Variants in PHC2 observed in about 807,000 individuals in gnomAD.
PHC2 encodes the protein polyhomeotic homolog 2.
In PHC2, 29 loss-of-function variants were observed where a neutral mutation model predicts 87.4. The observed-to-expected ratio is 0.33, with a 90% CI of 0.25 to 0.45. The LOEUF is 0.45. Among genes scored for constraint, PHC2 ranks in the 20% least tolerant of loss-of-function variants. The pLI, the probability that PHC2 is intolerant of heterozygous loss-of-function variation, is 1.00. For synonymous variants in PHC2, 438 were observed against 461.7 expected (o/e 0.95, Z 0.66); for missense variants, 857 against 1,136.7 (o/e 0.75, Z 3.54).
chr1:33,403,415 G>A (rs928511802), intron 1 of PHC2, among the ~76,000 whole-genome samples: 13 of 152,144 alleles, frequency 8.5e-5, no homozygotes, highest in Middle Eastern at 3.2e-3. Flanking sequence ...GTGAGCCACT[G>A]CACCTGGCGG....
rs191149460 is a variant in PHC2 at position 33,350,599 on chromosome 1, G to C, written c.1558+3802C>G. The stretch of plus-strand genomic sequence containing the variant: ...CCCTCAGGAGCGCGAGGCGCAGGAA[G>C]GTGCTGGACACACGCCAGGCACTTC... On this transcript the variant is annotated intron_variant, in intron 9 of 14. Transcript: ENST00000683057. 1.7e-3 allele frequency among the ~76,000 whole-genome samples: 253 copies of C among 152,384 alleles called. 8 individuals carry two copies. In the East Asian group the frequency reaches 0.044, roughly 26 times the overall value.
At chr1:33,370,667 C>T (rs1018705440) in intron 4 of PHC2, 82 bp from the exon 5 acceptor site, 34 of 1,355,256 alleles carry the variant, frequency 2.5e-5, no homozygotes, top group South Asian at 5.5e-5. Flanking sequence ...TTTCTCCCCC[C>T]TCTTTTGCTC....
intron 1 of PHC2, among the ~76,000 whole-genome samples, chr1:33,410,626 G>T (rs991416887): frequency 2.0e-5 from 3 of 152,152 alleles, no homozygotes; most frequent in Non-Finnish European, 4.4e-5. Flanking sequence ...CAAAGGGTTT[G>T]TTGAGGCAAT....
intron 1 of PHC2, among the ~76,000 whole-genome samples, chr1:33,380,909 A>C (rs1648461350): frequency 6.6e-6 from 1 of 152,114 alleles, no homozygotes; most frequent in Admixed American, 6.5e-5. Context: ...CATTATGACC[A>C]AGGTGCCCAG....
Position 33,391,641 on chromosome 1 carries a change from T to G in PHC2, c.-54-16048A>C, listed in dbSNP as rs114455610. Among the ~76,000 whole-genome samples the G allele has an allele frequency of 2.8e-3, 404 of 143,514 alleles. 2 individuals carry two copies. Among genetic ancestry groups the G allele is most frequent in the African/African-American group, 0.011 (390 of 34,230 alleles). 94.2% of individuals were successfully genotyped at this position (143,514 alleles called of 152,430 possible). Reference sequence around the variant, plus strand: ...CCCTCTGCATCATGCCTAATACTATTCCCTTTGATAGGAAAAAAAAAAAAA... The same window carrying G: ...CCCTCTGCATCATGCCTAATACTATGCCCTTTGATAGGAAAAAAAAAAAAA... On this transcript the variant is annotated intron_variant, in intron 1 of 14. Coordinates refer to ENST00000683057, the MANE Select transcript of PHC2 (RefSeq NM_001385109.1).
chr1:33,379,502 AC>A (rs1180983189), intron 1 of PHC2, among the ~76,000 whole-genome samples: 1 of 60,652 alleles, frequency 1.6e-5, no homozygotes, highest in Admixed American at 1.8e-4. Context: ...TCCCACTACC[AC>A]CCCCAACCAC....
At chr1:33,385,302 A>G (rs1648684699) in intron 1 of PHC2, among the ~76,000 whole-genome samples, 1 of 152,248 alleles carries the variant, frequency 6.6e-6, no homozygotes, top group Non-Finnish European at 1.5e-5. Flanking sequence ...AACAACATAA[A>G]TAGGAGAAAG....
rs548200068 is a variant in PHC2, at chr1:33,344,497, TAAC to T, written c.1558+9901_1558+9903del. On this transcript the variant is annotated intron_variant, in intron 9 of 14. Coordinates refer to ENST00000683057, the MANE Select transcript of PHC2 (RefSeq NM_001385109.1). ...GGAAACATTACTCCTTTCCTCCTTA[TAAC>T]CATTGTCTAAGCTTCCAGTCAACCC... 1.6e-3 allele frequency among the ~76,000 whole-genome samples: 243 copies of T among 152,374 alleles called. 2 individuals carry two copies. The highest frequency in any genetic ancestry group is 2.8e-3 in the Non-Finnish European group (189 of 68,036).
chr1:33,377,681 T>C (rs979364254), intron 1 of PHC2, among the ~76,000 whole-genome samples: 1 of 151,878 alleles, frequency 6.6e-6, no homozygotes, highest in South Asian at 2.1e-4. Flanking sequence ...TTGTAGAGTA[T>C]ACCCATTTAA....
intron 9 of PHC2, among the ~76,000 whole-genome samples, chr1:33,342,726 G>C (rs777481518): frequency 6.6e-6 from 1 of 152,206 alleles, no homozygotes; most frequent in Non-Finnish European, 1.5e-5. Flanking sequence ...TCAGGGAGGA[G>C]TTTTCAAAGA....
In PHC2 at chr1:33,349,845, TGC is replaced by T. The variant is rs570581954; in HGVS notation, c.1558+4554_1558+4555del. 4,384 of 906,844 alleles carry T rather than the reference TGC, an allele frequency of 4.8e-3. No homozygotes were observed. The highest frequency in any genetic ancestry group is 5.2e-3 in the Non-Finnish European group (3,983 of 763,186). The allele number at this position is 906,844 out of a possible 1,614,324, so 56.2% of individuals were successfully genotyped here. Reference sequence around the variant, plus strand: ...CGGGAGCGCGGGCGGCGGCCGGGGTTGCGCGCGCGCGCGCGGCGGGCGCTCGA... The same window carrying T: ...CGGGAGCGCGGGCGGCGGCCGGGGTTGCGCGCGCGCGCGGCGGGCGCTCGA... On this transcript the variant is annotated intron_variant, in intron 9 of 14. Transcript: ENST00000683057. The surrounding 1 kb of genome is among the most constrained non-coding windows in gnomAD (Gnocchi z 4.2).
In PHC2 at chr1:33,385,444, G is replaced by C. The variant is rs148006973; in HGVS notation, c.-54-9851C>G. On this transcript the variant is annotated intron_variant, in intron 1 of 14. Coordinates refer to ENST00000683057, the MANE Select transcript of PHC2 (RefSeq NM_001385109.1). ...GGTTTACATACAGGAATGCAACCCT[G>C]GCCATGTTACGTAACCTTTCTGCGC... is the stretch of plus-strand genomic sequence containing the variant. Among the ~76,000 whole-genome samples the C allele has an allele frequency of 9.9e-3, 1,502 of 152,278 alleles. 61 individuals carry two copies. The highest frequency in any genetic ancestry group is 0.065 in the Admixed American group (997 of 15,300).
Position 33,328,913 on chromosome 1 carries a change from C to T in PHC2, c.2382G>A (p.Lys794=), listed in dbSNP as rs766005155. The change falls in exon 14 of 15, where the codon AAG becomes AAA. Residue 794 remains lysine, a synonymous_variant. Coordinates refer to ENST00000683057, the MANE Select transcript of PHC2 (RefSeq NM_001385109.1). ...ATTCGTAGACGTCTTCTACATTCCACTTGGTGGGCTCACTTGGCAGGAAGT... is the reference window on the plus strand; with the variant it reads ...ATTCGTAGACGTCTTCTACATTCCATTTGGTGGGCTCACTTGGCAGGAAGT... The part of the protein sequence containing the change: ...GHHFLPSEPT[K]WNVEDVYEFI... 2 of 1,613,788 alleles carry T rather than the reference C, an allele frequency of 1.2e-6. No individual in the cohort carries two copies. The highest frequency in any genetic ancestry group is 2.2e-5 in the East Asian group (1 of 44,878).
intron 1 of PHC2, among the ~76,000 whole-genome samples, chr1:33,399,236 C>A (rs957123554): frequency 3.3e-5 from 5 of 151,998 alleles, no homozygotes; most frequent in Admixed American, 3.3e-4. Context: ...AGGGACCCTA[C>A]AAGGAATAAA....
At chr1:33,422,676 C>G (rs1022382302) in intron 1 of PHC2, among the ~76,000 whole-genome samples, 2 of 152,184 alleles carry the variant, frequency 1.3e-5, no homozygotes, top group African/African-American at 4.8e-5. Context: ...TTAGTGTCAC[C>G]ATCTTATGTG....
rs7514086 is a variant in PHC2 at position 33,400,986 on chromosome 1, T to G, written c.-54-25393A>C. Among the ~76,000 whole-genome samples, 479 of 152,198 alleles carry G rather than the reference T, an allele frequency of 3.1e-3. 1 individual carries two copies. The highest frequency in any genetic ancestry group is 0.011 in the African/African-American group (452 of 41,536). On this transcript the variant is annotated intron_variant, in intron 1 of 14. Transcript: ENST00000683057. ...AAGCATTAAAGGAATTGTCTGAAGGTTAACAGACTCCAGTACAATTATAAA... is the reference window on the plus strand; with the variant it reads ...AAGCATTAAAGGAATTGTCTGAAGGGTAACAGACTCCAGTACAATTATAAA...
In PHC2 at chr1:33,364,709, A is replaced by T. The variant is rs1186813581; in HGVS notation, c.976+2407T>A. 6.6e-6 allele frequency among the ~76,000 whole-genome samples: 1 copy of T among 152,098 alleles called. No homozygotes were observed. Among genetic ancestry groups the T allele is most frequent in the Non-Finnish European group, 1.5e-5 (1 of 68,020 alleles). On this transcript the variant is annotated intron_variant, in intron 7 of 14. Transcript: ENST00000683057. The surrounding 1 kb of genome is among the most constrained non-coding windows in gnomAD (Gnocchi z 4.1). ...TTACAGAGAGGAAGGGGTGGGAGAG[A>T]GGAAGAATGAACAGGATGGTGGGAG...
intron 1 of PHC2, among the ~76,000 whole-genome samples, chr1:33,388,400 C>A (rs1363490956): frequency 6.6e-6 from 1 of 150,706 alleles, no homozygotes; most frequent in Non-Finnish European, 1.5e-5. Flanking sequence ...CCTGGCTCAC[C>A]GCAACCTCCG....
At chr1:33,363,679 C>T (rs1026463866) in intron 7 of PHC2, 2 of 905,370 alleles carry the variant, frequency 2.2e-6, no homozygotes, top group South Asian at 5.1e-5. Context: ...TTTCAACAAC[C>T]CGACAGTTCC....
Sources: allele counts gnomAD v4.1 joint callset (sites outside exome capture counted in the v4.1 genomes callset), GRCh38; gene constraint gnomAD v4.1.1; non-coding constraint Gnocchi (gnomAD v3.1); transcripts MANE v1.5; gene names NCBI Gene and HGNC (gene_info 2026-07-23, HGNC 2026-07-21).